Variants in ASTN1 observed in about 807,000 individuals in gnomAD.
ASTN1 encodes astrotactin-1.
Under a neutral mutation model 140.7 loss-of-function variants are expected in ASTN1, and 41 were observed. That is an observed-to-expected ratio of 0.29 (90% CI 0.23 to 0.38). The LOEUF (loss-of-function observed/expected upper bound fraction) is 0.38. ASTN1 is among the 10% of genes least tolerant of loss of function. The pLI, the probability that ASTN1 is intolerant of heterozygous loss-of-function variation, is 1.00. For synonymous variants in ASTN1, 640 were observed against 652.2 expected, an observed-to-expected ratio of 0.98 and a Z score of 0.29; for missense variants, 1,479 against 1,678.8, an observed-to-expected ratio of 0.88 and a Z score of 2.08.
intron 9 of ASTN1, among the ~76,000 whole-genome samples, chr1:176,962,339 T>C (rs1672699828): frequency 1.3e-5 from 2 of 152,186 alleles, no homozygotes; most frequent in Admixed American, 1.3e-4. Flanking sequence ...TTATTTGGGA[T>C]TGCAGATTAT....
At chr1:177,156,820 G>T (rs189011002) in intron 1 of ASTN1, among the ~76,000 whole-genome samples, 129 of 152,262 alleles carry the variant, frequency 8.5e-4, no homozygotes, top group Non-Finnish European at 1.6e-3. Flanking sequence ...ACAGTGAGAA[G>T]TCAAGTTGAT....
chr1:177,016,715 A>T (rs944690990), intron 7 of ASTN1, among the ~76,000 whole-genome samples: 1 of 152,224 alleles, frequency 6.6e-6, no homozygotes, highest in Non-Finnish European at 1.5e-5. Context: ...CTTCCCCCAT[A>T]TGAGTAGGTC....
At chr1:177,153,336 C>T (rs1325868970) in intron 1 of ASTN1, among the ~76,000 whole-genome samples, 2 of 152,124 alleles carry the variant, frequency 1.3e-5, no homozygotes, top group Non-Finnish European at 2.9e-5. Flanking sequence ...CTAAAACCCT[C>T]ACCAGATGCA....
chr1:176,932,083 T>G (rs183725012), intron 16 of ASTN1, among the ~76,000 whole-genome samples: 1 of 152,340 alleles, frequency 6.6e-6, no homozygotes, highest in Non-Finnish European at 1.5e-5. Context: ...CTTTTTCCAT[T>G]TCATTTCACA....
chr1:177,114,386 T>C (rs1223591269), intron 1 of ASTN1, among the ~76,000 whole-genome samples: 8 of 152,136 alleles, frequency 5.3e-5, no homozygotes, highest in Non-Finnish European at 1.2e-4. Flanking sequence ...CTAAGCCACA[T>C]GGGCAATGGA....
chr1:177,147,154 T>C (rs1215604797), intron 1 of ASTN1, among the ~76,000 whole-genome samples: 1 of 152,194 alleles, frequency 6.6e-6, no homozygotes, highest in Non-Finnish European at 1.5e-5. Flanking sequence ...TTTTGCACCA[T>C]GATTGTAAAT....
At chr1:176,934,677 CA>C in intron 15 of ASTN1, among the ~76,000 whole-genome samples, 1 of 151,198 alleles carries the variant, frequency 6.6e-6, no homozygotes, top group Non-Finnish European at 1.5e-5. Flanking sequence ...CAAATAATAG[CA>C]TTTGAAAAAA....
downstream of ASTN1, among the ~76,000 whole-genome samples, chr1:176,858,271 C>T (rs1419002833): frequency 2.0e-5 from 3 of 152,176 alleles, no homozygotes; most frequent in East Asian, 5.8e-4. Context: ...GTCCTGGACT[C>T]CCACATATGT....
intron 5 of ASTN1, among the ~76,000 whole-genome samples, chr1:177,025,183 T>A (rs1366653069): frequency 6.6e-6 from 1 of 152,140 alleles, no homozygotes; most frequent in South Asian, 2.1e-4. Flanking sequence ...AGGAGGAACT[T>A]CCTGAGCTGG....
At chr1:176,952,946 C>T (rs16850453) in intron 11 of ASTN1, among the ~76,000 whole-genome samples, 18,076 of 152,156 alleles carry the variant, frequency 0.12, 1,363 homozygotes, top group Admixed American at 0.18. Context: ...GAAGAAAACT[C>T]CATTTATTAT....
chr1:176,907,283 A>G (rs1047464189), intron 16 of ASTN1, among the ~76,000 whole-genome samples: 1 of 152,208 alleles, frequency 6.6e-6, no homozygotes, highest in Non-Finnish European at 1.5e-5. Context: ...TATGGTCAGA[A>G]CGCTTTTTAT....
intron 18 of ASTN1, among the ~76,000 whole-genome samples, chr1:176,885,446 T>C (rs1334354969): frequency 6.6e-6 from 1 of 152,190 alleles, no homozygotes; most frequent in Non-Finnish European, 1.5e-5. Context: ...TTCCCCTCTT[T>C]CTTCCAATTC....
At chr1:176,999,718 C>G (rs1674626659) in intron 8 of ASTN1, among the ~76,000 whole-genome samples, 1 of 151,972 alleles carries the variant, frequency 6.6e-6, no homozygotes, top group Non-Finnish European at 1.5e-5. Context: ...TGGGGAGGGA[C>G]CCGGTGGGAG....
At chr1:177,100,819 A>G (rs1016811707) in intron 1 of ASTN1, among the ~76,000 whole-genome samples, 3 of 152,190 alleles carry the variant, frequency 2.0e-5, no homozygotes, top group Non-Finnish European at 4.4e-5. Flanking sequence ...CCGGCTGGGC[A>G]TGGTGGCTCG....
At chr1:176,929,685 C>T (rs1032167868) in intron 16 of ASTN1, among the ~76,000 whole-genome samples, 3 of 152,174 alleles carry the variant, frequency 2.0e-5, no homozygotes, top group Admixed American at 6.5e-5. Context: ...GGATTTAAAG[C>T]TGAGGAGTGA....
At chr1:176,981,289 C>A (rs1176416023) in intron 8 of ASTN1, 1 of 147,602 alleles carries the variant, frequency 6.8e-6, no homozygotes, top group African/African-American at 2.5e-5. Context: ...AACTCTCCTT[C>A]AGGACCTACA....
At chr1:177,032,268 T>C (rs980010007) in intron 3 of ASTN1, among the ~76,000 whole-genome samples, 188 bp downstream of exon 3, 3 of 152,196 alleles carry the variant, frequency 2.0e-5, no homozygotes, top group Admixed American at 2.0e-4. Context: ...ACGGTTCTTC[T>C]GGTTTTCTAG....
intron 8 of ASTN1, among the ~76,000 whole-genome samples, chr1:176,993,466 G>C (rs896787770): frequency 6.6e-6 from 1 of 152,140 alleles, no homozygotes; most frequent in African/African-American, 2.4e-5. Context: ...ATAGGAGTTA[G>C]AGTCAAATGG....
chr1:176,960,738 C>T (rs1372768330), intron 9 of ASTN1, among the ~76,000 whole-genome samples: 1 of 152,152 alleles, frequency 6.6e-6, no homozygotes, highest in African/African-American at 2.4e-5. Flanking sequence ...TGAGACCTGA[C>T]CATAGTTCCT....
Sources: allele counts gnomAD v4.1 joint callset (sites outside exome capture counted in the v4.1 genomes callset), GRCh38; gene constraint gnomAD v4.1.1; transcripts MANE v1.5; gene names NCBI Gene and HGNC (gene_info 2026-07-23, HGNC 2026-07-21).